The following YTHDC2 variants were observed in gnomAD, a reference collection of about 807,000 sequenced individuals.
The protein encoded by YTHDC2 is YTH N6-methyladenosine RNA binding protein C2.
In YTHDC2, 45 loss-of-function variants were observed where a neutral mutation model predicts 174.9. The observed-to-expected ratio is 0.26, with a 90% CI of 0.20 to 0.33. The LOEUF (loss-of-function observed/expected upper bound fraction) is 0.33, where lower values mean the gene tolerates loss of function less well. Among genes scored for constraint, YTHDC2 ranks in the 10% least tolerant of loss-of-function variants. YTHDC2 has a pLI of 1.00. For synonymous variants in YTHDC2, 657 were observed against 574.5 expected (o/e 1.14, Z -2.05); for missense variants, 1,650 against 1,723.7 (o/e 0.96, Z 0.76).
chr5:113,544,742 A>G (rs950423811), intron 10 of YTHDC2, among the ~76,000 whole-genome samples: 19 of 151,552 alleles, frequency 1.3e-4, no homozygotes, highest in African/African-American at 4.6e-4. Flanking sequence ...CTGTTCTTTA[A>G]TATAACATGA....
chr5:113,532,431 G>T (rs1008786759), intron 4 of YTHDC2, among the ~76,000 whole-genome samples: 4 of 152,084 alleles, frequency 2.6e-5, no homozygotes, highest in Non-Finnish European at 5.9e-5. Context: ...CTGGATTATA[G>T]ACTATTTTTG....
chr5:113,583,827 G>A (rs1262435379), intron 25 of YTHDC2: 2 of 152,524 alleles, frequency 1.3e-5, no homozygotes, highest in Non-Finnish European at 2.9e-5. Flanking sequence ...AGCTCTCAGG[G>A]TTTGATTTGA....
chr5:113,539,537 G>A (rs1276348100), intron 8 of YTHDC2, among the ~76,000 whole-genome samples: 1 of 152,182 alleles, frequency 6.6e-6, no homozygotes, highest in East Asian at 1.9e-4. Context: ...AGTAGTATGT[G>A]ATTAATAACA....
At chr5:113,586,640 T>G (rs1354997807) in intron 26 of YTHDC2, among the ~76,000 whole-genome samples, 3 of 151,570 alleles carry the variant, frequency 2.0e-5, no homozygotes, top group Non-Finnish European at 3.0e-5. Flanking sequence ...GTTGGCAATC[T>G]TACATTTTAG....
rs189227166 is a variant in YTHDC2, at chr5:113,542,048, C to G, written c.1360-320C>G. Reference sequence around the variant, plus strand: ...ATTAAAAAGCTCCAGGTGATACTTCCCTTGATGTGCAGTTGGGAGAGAGAA... The same window carrying G: ...ATTAAAAAGCTCCAGGTGATACTTCGCTTGATGTGCAGTTGGGAGAGAGAA... On this transcript the variant is annotated intron_variant, in intron 9 of 29. Coordinates refer to ENST00000161863, the MANE Select transcript of YTHDC2 (RefSeq NM_022828.5). Among the ~76,000 whole-genome samples the G allele has an allele frequency of 3.2e-3, 487 of 152,212 alleles. 4 individuals carry two copies. The highest frequency in any genetic ancestry group is 0.011 in the African/African-American group (458 of 41,540).
chr5:113,519,800 A>C (rs979308324), intron 2 of YTHDC2, among the ~76,000 whole-genome samples: 2 of 152,220 alleles, frequency 1.3e-5, no homozygotes, highest in Non-Finnish European at 2.9e-5. Flanking sequence ...TCATTATATA[A>C]ATTTAATCAA....
At chr5:113,546,118 C>T (rs1488977208) in intron 10 of YTHDC2, among the ~76,000 whole-genome samples, 1 of 152,122 alleles carries the variant, frequency 6.6e-6, no homozygotes, top group Non-Finnish European at 1.5e-5. Flanking sequence ...TGCGTTCTTT[C>T]TTTTTCCATT....
intron 26 of YTHDC2, among the ~76,000 whole-genome samples, chr5:113,585,815 G>C (rs1778647484): frequency 6.6e-6 from 1 of 151,646 alleles, no homozygotes; most frequent in Non-Finnish European, 1.5e-5. Flanking sequence ...ATATTGTTGA[G>C]TATATTATTA....
chr5:113,532,874 T>G lies in YTHDC2; in HGVS notation c.676-5T>G, dbSNP rs1051126734. 6.3e-7 allele frequency: 1 copy of G among 1,598,058 alleles called. No homozygotes were observed. The highest frequency in any genetic ancestry group is 8.5e-7 in the Non-Finnish European group (1 of 1,170,644). On this transcript the variant is annotated splice_region_variant and splice_polypyrimidine_tract_variant and intron_variant, in intron 4 of 29. Coordinates refer to ENST00000161863, the MANE Select transcript of YTHDC2 (RefSeq NM_022828.5). ...ATCTTACAGTTTTTAAAACTTTTGT[T>G]TCAGATTCCTCAGTTCCTTTTAGAT...
chr5:113,527,674 AT>A (rs1279272620), intron 4 of YTHDC2, among the ~76,000 whole-genome samples: 1 of 152,188 alleles, frequency 6.6e-6, no homozygotes, highest in African/African-American at 2.4e-5. Flanking sequence ...GGACTTAAAC[AT>A]TTTTACAGAA....
rs183667364 is a variant in YTHDC2 at position 113,527,013 on chromosome 5, T to G, written c.675+228T>G. On this transcript the variant is annotated intron_variant, in intron 4 of 29. Transcript: ENST00000161863. ...AAATGTTTTAAATAATTTACTTATT[T>G]TTAAACTAGTGCATTAGGCCTTTAT... Among the ~76,000 whole-genome samples the G allele has an allele frequency of 5.1e-3, 769 of 152,128 alleles. 6 individuals are homozygous for G. The highest frequency in any genetic ancestry group is 6.1e-3 in the Non-Finnish European group (414 of 67,970).
chr5:113,540,080 G>A (rs1775347000), intron 8 of YTHDC2, among the ~76,000 whole-genome samples: 1 of 152,080 alleles, frequency 6.6e-6, no homozygotes, highest in Admixed American at 6.5e-5. Flanking sequence ...TAGATACGCA[G>A]TCTAGTTACA....
At chr5:113,538,667 C>G (rs985136150) in intron 7 of YTHDC2, among the ~76,000 whole-genome samples, 2 of 152,002 alleles carry the variant, frequency 1.3e-5, no homozygotes, top group Non-Finnish European at 2.9e-5. Context: ...TACATACTGT[C>G]ATGGTGTCTT....
intron 2 of YTHDC2, among the ~76,000 whole-genome samples, chr5:113,516,582 T>C (rs1773440748): frequency 6.6e-6 from 1 of 152,178 alleles, no homozygotes; most frequent in Non-Finnish European, 1.5e-5. Context: ...CCATTACTAC[T>C]ACATGCCACT....
Position 113,573,578 on chromosome 5 carries a change from T to G in YTHDC2, c.3244+5729T>G, listed in dbSNP as rs549572005. On this transcript the variant is annotated intron_variant, in intron 23 of 29. Coordinates refer to ENST00000161863, the MANE Select transcript of YTHDC2 (RefSeq NM_022828.5). ...AAGTATGTTTTCCAGCTTGGTTCTA[T>G]TCTCTTTTATCTTTCAGCTACCCCA... Among the ~76,000 whole-genome samples, 3 of 152,320 alleles carry G rather than the reference T, an allele frequency of 2.0e-5. No homozygotes were observed. The South Asian group carries it at 6.2e-4, about 32-fold the overall frequency.
intron 12 of YTHDC2, among the ~76,000 whole-genome samples, chr5:113,551,395 T>C (rs1159090005): frequency 1.3e-5 from 2 of 152,150 alleles, no homozygotes; most frequent in Non-Finnish European, 2.9e-5. Flanking sequence ...ATTTCAGGTA[T>C]TTAAAATTGA....
At chr5:113,529,066 G>A (rs990553630) in intron 4 of YTHDC2, among the ~76,000 whole-genome samples, 3 of 152,030 alleles carry the variant, frequency 2.0e-5, no homozygotes, top group Admixed American at 6.6e-5. Context: ...TTCCAAGTCA[G>A]TGCCTATAGA....
At chr5:113,527,852 T>A (rs751107885) in intron 4 of YTHDC2, among the ~76,000 whole-genome samples, 7 of 151,974 alleles carry the variant, frequency 4.6e-5, no homozygotes, top group Non-Finnish European at 1.0e-4. Context: ...GCAGTGGTGC[T>A]ATCTCGGCTT....
At chr5:113,586,895 AAT>A (rs1778713047) in intron 26 of YTHDC2, among the ~76,000 whole-genome samples, 1 of 131,600 alleles carries the variant, frequency 7.6e-6, no homozygotes, top group Non-Finnish European at 1.6e-5. Flanking sequence ...ATAATATATA[AAT>A]ATATATTATG....
Sources: gnomAD v4.1 joint callset for allele counts (sites outside exome capture counted in the v4.1 genomes callset) on GRCh38, gnomAD v4.1.1 for gene constraint, MANE v1.5 for transcripts, NCBI Gene and HGNC (gene_info 2026-07-23, HGNC 2026-07-21) for gene names.